Variants in CXCL12 observed in about 807,000 individuals in gnomAD.
The protein encoded by CXCL12 is C-X-C motif chemokine ligand 12.
A neutral mutation model predicts 10.7 loss-of-function variants in CXCL12; 4 were observed. The observed-to-expected ratio is 0.37, with a 90% CI of 0.18 to 0.86. The LOEUF is 0.86. Among genes scored for constraint, CXCL12 ranks in the 40% least tolerant of loss-of-function variants. The pLI is 0.43. For synonymous variants in CXCL12, 54 were observed against 45.4 expected (o/e 1.19, Z -0.77); for missense variants, 122 against 110.4 (o/e 1.10, Z -0.47).
chr10:44,374,918 C>T (rs1186798133), downstream of CXCL12, among the ~76,000 whole-genome samples: 2 of 152,172 alleles, frequency 1.3e-5, no homozygotes, highest in Non-Finnish European at 2.9e-5. Flanking sequence ...ATTAGAGAAA[C>T]TTGCCAAAAA....
chr10:44,372,849 T>A, downstream of CXCL12: 2 of 1,516,526 alleles, frequency 1.3e-6, no homozygotes, highest in Non-Finnish European at 1.8e-6. Flanking sequence ...GCCTCCCATG[T>A]GGCCCTCCAC....
chr10:44,374,177 T>G (rs1144471), downstream of CXCL12: 3 of 335,746 alleles, frequency 8.9e-6, no homozygotes, highest in Admixed American at 3.9e-5. Context: ...AGGAGTGGGA[T>G]AGCAAGCAGT....
chr10:44,383,991 T>A (rs964809251), intron 1 of CXCL12, among the ~76,000 whole-genome samples: 2 of 152,214 alleles, frequency 1.3e-5, no homozygotes, highest in Non-Finnish European at 2.9e-5. Context: ...TATTTTGGTT[T>A]GCATCGGTGT....
In CXCL12 at chr10:44,378,621, T is replaced by C. The variant is rs748185279; in HGVS notation, c.*12A>G. The C allele has an allele frequency of 1.9e-6, 3 of 1,614,154 alleles. No homozygotes were observed. The highest frequency in any genetic ancestry group is 1.3e-5 in the African/African-American group (1 of 75,060). ...AGTGGGTCTAGCGGAAAGTCCTTTTTGGCTGTTGTGCTTACTTGTTTAAAG... is the reference window on the plus strand; with the variant it reads ...AGTGGGTCTAGCGGAAAGTCCTTTTCGGCTGTTGTGCTTACTTGTTTAAAG... On this transcript the variant is annotated 3_prime_UTR_variant, in exon 3 of 3. Transcript: ENST00000343575.
chr10:44,378,499 A>G lies in CXCL12; in HGVS notation c.*134T>C, dbSNP rs188275567. 59 of 1,546,010 alleles carry G rather than the reference A, an allele frequency of 3.8e-5. No homozygotes were observed. In the Middle Eastern group the frequency reaches 5.1e-4, roughly 13 times the overall value. On this transcript the variant is annotated 3_prime_UTR_variant, in exon 3 of 3. Transcript: ENST00000343575. Reference sequence around the variant, plus strand: ...AAACCTCAGGCCCGATCCCAGATCAATGTGCCCACCCCACACACACACCTG... The same window carrying G: ...AAACCTCAGGCCCGATCCCAGATCAGTGTGCCCACCCCACACACACACCTG...
Position 44,378,241 on chromosome 10 carries a change from C to T in CXCL12, c.*392G>A, listed in dbSNP as rs757194818. On this transcript the variant is annotated 3_prime_UTR_variant, in exon 3 of 3. Coordinates refer to ENST00000343575, the MANE Select transcript of CXCL12 (RefSeq NM_199168.4). ...AGGGGAGCAGAGGAGATGCTCCAAA[C>T]AAGCCAAATTCAGATCTTGAAGTAC... 2 of 1,460,660 alleles carry T rather than the reference C, an allele frequency of 1.4e-6. No individual in the cohort carries two copies. The highest frequency in any genetic ancestry group is 1.9e-5 in the Admixed American group (1 of 51,710). 90.5% of individuals were successfully genotyped at this position (1,460,660 alleles called of 1,614,324 possible).
chr10:44,382,630 G>C (rs1839666782), intron 1 of CXCL12, among the ~76,000 whole-genome samples: 1 of 152,080 alleles, frequency 6.6e-6, no homozygotes. Context: ...CCAAGCAGTG[G>C]TGATGAGGCC....
At chr10:44,384,859 G>A in intron 1 of CXCL12, 86 bp downstream of exon 1, 2 of 1,368,508 alleles carry the variant, frequency 1.5e-6, no homozygotes, top group Admixed American at 2.2e-5. Flanking sequence ...GCAAACTGCG[G>A]GCGCAGGCAG....
rs1407636523 is a variant in CXCL12, at chr10:44,385,059, C to T, written c.-54G>A. 5 of 1,342,596 alleles carry T rather than the reference C, an allele frequency of 3.7e-6. No homozygotes were observed. The highest frequency in any genetic ancestry group is 3.0e-5 in the East Asian group (1 of 33,004). 83.2% of individuals were successfully genotyped at this position (1,342,596 alleles called of 1,614,324 possible). Reference sequence around the variant, plus strand: ...CGAGCGCGGGTCGGGGGCCGGACGCCGAGCGGGCAATGCGGCTGACGGAGA... The same window carrying T: ...CGAGCGCGGGTCGGGGGCCGGACGCTGAGCGGGCAATGCGGCTGACGGAGA... On this transcript the variant is annotated 5_prime_UTR_variant, in exon 1 of 3. Coordinates refer to ENST00000343575, the MANE Select transcript of CXCL12 (RefSeq NM_199168.4).
chr10:44,382,802 A>G (rs570904958), intron 1 of CXCL12, among the ~76,000 whole-genome samples: 2 of 152,322 alleles, frequency 1.3e-5, no homozygotes, highest in Admixed American at 6.5e-5. Flanking sequence ...TTTTAAAGTG[A>G]CAGAGCCCCC....
Position 44,378,216 on chromosome 10 carries a change from AG to A in CXCL12, c.*416del. 3 of 1,448,704 alleles carry A rather than the reference AG, an allele frequency of 2.1e-6. No homozygotes were observed. Among genetic ancestry groups the A allele is most frequent in the Non-Finnish European group, 1.8e-6 (2 of 1,090,794 alleles). The allele number at this position is 1,448,704 out of a possible 1,614,324, so 89.7% of individuals were successfully genotyped here. On this transcript the variant is annotated 3_prime_UTR_variant, in exon 3 of 3. Transcript: ENST00000343575. ...CCACCTGACTGTGCCCAGACTCCCC[AG>A]GGGAGCAGAGGAGATGCTCCAAACA...
downstream of CXCL12, chr10:44,371,971 C>G (rs1299195496): frequency 6.6e-6 from 1 of 152,296 alleles, no homozygotes; most frequent in African/African-American, 2.4e-5. Flanking sequence ...TTACTCTTCA[C>G]ATAGCACATT....
chr10:44,373,228 GGGGCCCTGCCCTGGCA>G (rs1459837244), downstream of CXCL12: 16 of 1,559,432 alleles, frequency 1.0e-5, no homozygotes, highest in Non-Finnish European at 1.4e-5. Flanking sequence ...GGCAATGCCT[GGGGCCCTGCCCTGGCA>G]GGGGAGGCTG....
At chr10:44,373,495 C>T (rs562613445), downstream of CXCL12, among the ~76,000 whole-genome samples, 3 of 152,218 alleles carry the variant, frequency 2.0e-5, no homozygotes, top group South Asian at 2.1e-4. Context: ...AGAGGCCCTG[C>T]GACAACAGAC....
At chr10:44,376,929 A>T, downstream of CXCL12, 1 of 182,310 alleles carries the variant, frequency 5.5e-6, no homozygotes, top group Non-Finnish European at 1.0e-5. Flanking sequence ...AAAAAAAAAA[A>T]GATCCAAAAA....
intron 1 of CXCL12, among the ~76,000 whole-genome samples, chr10:44,382,271 C>G (rs960589809): frequency 6.6e-6 from 1 of 152,212 alleles, no homozygotes; most frequent in Non-Finnish European, 1.5e-5. Flanking sequence ...CCAGCAGCTG[C>G]ACTGGGACCC....
chr10:44,378,118 C>T lies in CXCL12; in HGVS notation c.*515G>A, dbSNP rs1588898864. On this transcript the variant is annotated 3_prime_UTR_variant, in exon 3 of 3. Coordinates refer to ENST00000343575, the MANE Select transcript of CXCL12 (RefSeq NM_199168.4). ...ATCTGAGTGCCACAGAGGCCTTCCTCTTGGGAGGGGCGCTGCTGCGGGAGC... is the reference window on the plus strand; with the variant it reads ...ATCTGAGTGCCACAGAGGCCTTCCTTTTGGGAGGGGCGCTGCTGCGGGAGC... 71 of 1,444,296 alleles carry T rather than the reference C, an allele frequency of 4.9e-5. No homozygotes were observed. The East Asian group carries it at 1.8e-3, about 36-fold the overall frequency. The allele number at this position is 1,444,296 out of a possible 1,614,324, so 89.5% of individuals were successfully genotyped here.
intron 1 of CXCL12, 115 bp downstream of exon 1, chr10:44,384,830 C>A: frequency 2.0e-6 from 2 of 1,019,676 alleles, no homozygotes. Context: ...CTGCCTCCAC[C>A]CCCACTGTGT....
chr10:44,379,526 C>T (rs894360863), intron 2 of CXCL12, among the ~76,000 whole-genome samples: 2 of 152,182 alleles, frequency 1.3e-5, no homozygotes, highest in African/African-American at 4.8e-5. Context: ...AGCCCCAGAA[C>T]AGTGGTTCAG....
Sources: allele counts gnomAD v4.1 joint callset (sites outside exome capture counted in the v4.1 genomes callset), GRCh38; gene constraint gnomAD v4.1.1; transcripts MANE v1.5; gene names NCBI Gene and HGNC (gene_info 2026-07-23, HGNC 2026-07-21).